The following RIMS1 variants were observed in gnomAD, a reference collection of about 807,000 sequenced individuals.
RIMS1 encodes regulating synaptic membrane exocytosis protein 1.
A neutral mutation model predicts 214.1 loss-of-function variants in RIMS1; 83 were observed. The observed-to-expected ratio is 0.39, with a 90% confidence interval of 0.32 to 0.47. RIMS1 has a LOEUF of 0.47. RIMS1 is among the 20% of genes least tolerant of loss of function. The pLI is 0.99. For synonymous variants in RIMS1, 793 were observed against 786.8 expected, an observed-to-expected ratio of 1.01 and a Z score of -0.13; for missense variants, 2,050 against 2,161.8, an observed-to-expected ratio of 0.95 and a Z score of 1.03.
At chr6:71,955,373 G>A (rs947295588) in intron 1 of RIMS1, among the ~76,000 whole-genome samples, 3 of 152,000 alleles carry the variant, frequency 2.0e-5, no homozygotes, top group Non-Finnish European at 2.9e-5. Flanking sequence ...CACCATCTTG[G>A]CCAGGGTGGT....
At chr6:71,896,373 A>C (rs1218041467) in intron 1 of RIMS1, among the ~76,000 whole-genome samples, 1 of 152,200 alleles carries the variant, frequency 6.6e-6, no homozygotes, top group Non-Finnish European at 1.5e-5. Flanking sequence ...TTATGGTCTA[A>C]GTATCATGCC....
intron 1 of RIMS1, among the ~76,000 whole-genome samples, chr6:71,958,854 A>G (rs983035020): frequency 5.9e-5 from 9 of 152,264 alleles, no homozygotes; most frequent in Non-Finnish European, 1.0e-4. Flanking sequence ...TTCAAATGCC[A>G]TACTATTCAT....
At chr6:72,256,370 G>GA (rs961442563) in intron 16 of RIMS1, among the ~76,000 whole-genome samples, 5 of 152,096 alleles carry the variant, frequency 3.3e-5, no homozygotes, top group African/African-American at 1.2e-4. Context: ...TATGTTAAAA[G>GA]TTTCAAGATT....
chr6:72,121,047 T>C (rs2038189143), intron 4 of RIMS1, among the ~76,000 whole-genome samples: 1 of 151,924 alleles, frequency 6.6e-6, no homozygotes, highest in African/African-American at 2.4e-5. Flanking sequence ...GCTGTTTTGG[T>C]TACTGTAGCC....
intron 27 of RIMS1, among the ~76,000 whole-genome samples, chr6:72,312,773 A>G (rs1199858529): frequency 6.6e-6 from 1 of 152,148 alleles, no homozygotes. Context: ...GAAAAGTTAT[A>G]TATTTTTAAG....
chr6:71,937,275 T>A (rs1217042028), intron 1 of RIMS1, among the ~76,000 whole-genome samples: 1 of 152,150 alleles, frequency 6.6e-6, no homozygotes, highest in African/African-American at 2.4e-5. Flanking sequence ...TTAATTGATT[T>A]TTTGAGGTAG....
rs1358943256 is a variant in RIMS1, at chr6:72,155,861, C to T, written c.472-23714C>T. On this transcript the variant is annotated intron_variant, in intron 4 of 33. Coordinates refer to ENST00000521978, the MANE Select transcript of RIMS1 (RefSeq NM_014989.7). ...ACAGAGCCAAACCATATCACTGGCC[C>T]GTAGGTATATCAGTAGGGGCTCAAC... is the stretch of plus-strand genomic sequence containing the variant. 5.7e-5 allele frequency among the ~76,000 whole-genome samples: 8 copies of T among 139,814 alleles called. 2 individuals are homozygous for T. The highest frequency in any genetic ancestry group is 2.4e-4 in the South Asian group (1 of 4,192). The allele number at this position is 139,814 out of a possible 152,430, so 91.7% of individuals were successfully genotyped here. A position where few individuals can be genotyped will look rare whatever the true frequency, so the allele number is the denominator to read the frequency against.
At chr6:72,073,238 T>G (rs1321383140) in intron 2 of RIMS1, among the ~76,000 whole-genome samples, 1 of 152,204 alleles carries the variant, frequency 6.6e-6, no homozygotes, top group Non-Finnish European at 1.5e-5. Flanking sequence ...ATTTCATCCT[T>G]TGTGTCTTAG....
intron 11 of RIMS1, among the ~76,000 whole-genome samples, chr6:72,247,535 CA>C (rs10717559): frequency 0.48 from 49,666 of 103,696 alleles, 9,176 homozygotes; most frequent in East Asian, 0.86. Context: ...AACTCTGTCT[CA>C]AAAAAAAAAA....
chr6:72,182,689 G>C lies in RIMS1; in HGVS notation c.1218G>C (p.Glu406Asp). Residue 406 changes from glutamate to aspartate, a missense_variant, in exon 6 of 34, where the codon GAG becomes GAC. Physicochemically the swap from Glu to Asp is conservative, Grantham distance 45 (BLOSUM62 2). Around this residue, in one of 6 missense-constraint regions of RIMS1, gnomAD observed 882 missense variants for 828.9 expected, o/e 1.06. Coordinates refer to ENST00000521978, the MANE Select transcript of RIMS1 (RefSeq NM_014989.7). ...CCGAGGCGGGCGCGGCGCTGCCGGAGGGCAAGGCCGGCAAACGCGCGCCGG... is the reference window on the plus strand; with the variant it reads ...CCGAGGCGGGCGCGGCGCTGCCGGACGGCAAGGCCGGCAAACGCGCGCCGG... ...PRTEAGAALPEGKAGKRAPAA... is the reference protein window; with the variant it reads ...PRTEAGAALPDGKAGKRAPAA... The C allele has an allele frequency of 1.3e-6, 2 of 1,499,498 alleles. No homozygotes were observed. Among genetic ancestry groups the C allele is most frequent in the Non-Finnish European group, 1.8e-6 (2 of 1,129,710 alleles). The allele number at this position is 1,499,498 out of a possible 1,614,324, so 92.9% of individuals were successfully genotyped here. A position where few individuals can be genotyped will look rare whatever the true frequency, so the allele number is the denominator to read the frequency against.
chr6:71,930,422 G>A (rs1043935543), intron 1 of RIMS1, among the ~76,000 whole-genome samples: 1 of 151,992 alleles, frequency 6.6e-6, no homozygotes, highest in African/African-American at 2.4e-5. Context: ...TGTTATGCTA[G>A]TCTTTCAGAT....
At chr6:72,219,973 C>G (rs2154032279) in intron 6 of RIMS1, among the ~76,000 whole-genome samples, 1 of 152,180 alleles carries the variant, frequency 6.6e-6, no homozygotes, top group Admixed American at 6.6e-5. Flanking sequence ...TGATATTTCT[C>G]TTGCCTATTC....
intron 2 of RIMS1, among the ~76,000 whole-genome samples, chr6:71,988,911 C>G (rs1360735476): frequency 1.3e-5 from 2 of 152,150 alleles, no homozygotes; most frequent in Non-Finnish European, 2.9e-5. Flanking sequence ...ATCATATATA[C>G]ATGCCTAAGT....
chr6:71,929,856 A>T (rs1782552220), intron 1 of RIMS1, among the ~76,000 whole-genome samples: 2 of 152,072 alleles, frequency 1.3e-5, no homozygotes, highest in African/African-American at 4.8e-5. Context: ...GACTCTGTAA[A>T]ACTTGGTGTG....
intron 2 of RIMS1, among the ~76,000 whole-genome samples, chr6:71,972,119 C>A (rs1796001681): frequency 6.6e-6 from 1 of 152,038 alleles, no homozygotes; most frequent in Admixed American, 6.6e-5. Context: ...TGAGGGTCCC[C>A]CAACTCAGCC....
intron 4 of RIMS1, among the ~76,000 whole-genome samples, chr6:72,128,009 T>C (rs2039860334): frequency 6.6e-6 from 1 of 152,144 alleles, no homozygotes; most frequent in Non-Finnish European, 1.5e-5. Flanking sequence ...TGATAACTAA[T>C]GTATGTCAGG....
intron 6 of RIMS1, chr6:72,213,372 C>T (rs2054260817): frequency 1.6e-6 from 1 of 641,112 alleles, no homozygotes; most frequent in Non-Finnish European, 2.5e-6. Context: ...ATAAAGTTTC[C>T]AGTTACCAAC....
At chr6:72,078,571 C>T (rs184137278) in intron 2 of RIMS1, among the ~76,000 whole-genome samples, 4 of 152,232 alleles carry the variant, frequency 2.6e-5, no homozygotes, top group African/African-American at 9.6e-5. Flanking sequence ...GTGCCTATAT[C>T]GGAAGTTGAG....
intron 7 of RIMS1, among the ~76,000 whole-genome samples, chr6:72,234,854 A>G (rs1307511958): frequency 6.6e-6 from 1 of 152,038 alleles, no homozygotes; most frequent in Admixed American, 6.6e-5. Context: ...TCTTTCACTT[A>G]GCAATATGCA....
Sources: gnomAD v4.1 joint callset for allele counts (sites outside exome capture counted in the v4.1 genomes callset) on GRCh38, gnomAD v4.1.1 for gene constraint, gnomAD v4.1.1 regional missense constraint, MANE v1.5 for transcripts, NCBI Gene and HGNC (gene_info 2026-07-23, HGNC 2026-07-21) for gene names.